Variants in ARHGEF10L observed in about 807,000 individuals in gnomAD.
ARHGEF10L encodes the protein Rho guanine nucleotide exchange factor 10 like.
Under a neutral mutation model 141.2 loss-of-function variants are expected in ARHGEF10L, and 69 were observed. The ratio of observed to expected loss-of-function variants is 0.49; its 90% CI spans 0.40 to 0.60. ARHGEF10L has a LOEUF of 0.60. ARHGEF10L is among the 20% of genes least tolerant of loss of function. ARHGEF10L has a pLI of 0.00. For missense variants in ARHGEF10L, 1,482 were observed against 1,734.3 expected (o/e 0.85, Z 2.58); for synonymous variants, 711 against 718.5 (o/e 0.99, Z 0.17).
intron 1 of ARHGEF10L, among the ~76,000 whole-genome samples, chr1:17,560,085 C>G (rs945455127): frequency 6.6e-6 from 1 of 152,148 alleles, no homozygotes; most frequent in African/African-American, 2.4e-5. Flanking sequence ...CTCCGAGTGT[C>G]CCCCTCTTCC....
At position 17,697,353 on chromosome 1, in the gene ARHGEF10L, C is replaced by G; in HGVS notation, c.3813C>G (p.Leu1271=). 1 of 1,601,916 alleles carries G rather than the reference C, an allele frequency of 6.2e-7. No homozygotes were observed. Reference sequence around the variant, plus strand: ...GTGGGGAGACGGACAGCACCCTCCTCATCTGGCAGGTGCCCTTGATGCTAT... The same window carrying G: ...GTGGGGAGACGGACAGCACCCTCCTGATCTGGCAGGTGCCCTTGATGCTAT... ...APCGETDSTL[L]IWQVPLML Residue 1271 remains leucine, a synonymous_variant, in exon 29 of 29, where the codon CTC becomes CTG. Coordinates refer to ENST00000361221, the MANE Select transcript of ARHGEF10L (RefSeq NM_018125.4). This position sits in a 1 kb window ranked among gnomAD's most constrained non-coding sequence, Gnocchi z 4.8.
chr1:17,622,427 G>T (rs1235254974), intron 11 of ARHGEF10L, among the ~76,000 whole-genome samples: 3 of 152,122 alleles, frequency 2.0e-5, no homozygotes, highest in Non-Finnish European at 2.9e-5. Context: ...GCCAACCTGA[G>T]AATCCCTGAG....
chr1:17,631,440 T>C (rs2060686155), intron 15 of ARHGEF10L, among the ~76,000 whole-genome samples: 1 of 152,214 alleles, frequency 6.6e-6, no homozygotes, highest in South Asian at 2.1e-4. Flanking sequence ...TGTTATTGAC[T>C]GGCAGGTCTG....
chr1:17,687,461 G>A, intron 26 of ARHGEF10L, 112 bp from the exon 27 acceptor site: 3 of 1,219,374 alleles, frequency 2.5e-6, no homozygotes, highest in Non-Finnish European at 3.5e-6. Flanking sequence ...TGTTCCCTGA[G>A]TAGCTTGAGC....
chr1:17,531,152 A>G, the ARHGEF10L span, among the ~76,000 whole-genome samples: 1 of 152,256 alleles, frequency 6.6e-6, no homozygotes, highest in African/African-American at 2.4e-5. Flanking sequence ...AAGTGGGGGC[A>G]TCATCAGCAC....
chr1:17,546,489 T>G (rs2076919971), intron 1 of ARHGEF10L, among the ~76,000 whole-genome samples: 1 of 152,192 alleles, frequency 6.6e-6, no homozygotes, highest in South Asian at 2.1e-4. Flanking sequence ...ATCTTATCGA[T>G]GAGGAAATTG....
intron 4 of ARHGEF10L, among the ~76,000 whole-genome samples, chr1:17,589,971 G>T (rs991146447): frequency 2.6e-5 from 4 of 152,110 alleles, no homozygotes; most frequent in African/African-American, 9.7e-5. Flanking sequence ...GATGGCAGAG[G>T]GGCAGGGGGA....
chr1:17,603,519 A>G lies in ARHGEF10L; in HGVS notation c.361A>G (p.Thr121Ala), dbSNP rs927776280. The G allele has an allele frequency of 1.2e-6, 2 of 1,613,354 alleles. No homozygotes were observed. The highest frequency in any genetic ancestry group is 2.7e-5 in the African/African-American group (2 of 74,872). Residue 121 changes from threonine to alanine, a missense_variant, in exon 6 of 29, where the codon ACT (threonine) becomes GCT (alanine). Physicochemically the swap from Thr to Ala is moderately conservative, Grantham distance 58 (BLOSUM62 0). Transcript: ENST00000361221. This position sits in a 1 kb window ranked among gnomAD's most constrained non-coding sequence, Gnocchi z 4.8. ...RKSSRRIDRF[T>A]FPALEEDVIY... is the part of the protein sequence containing the mutation. ...CACTTCCCTCCCAGTTGACCGGTTC[A>G]CTTTCCCCGCCCTGGAAGAGGATGT...
In ARHGEF10L at chr1:17,622,749, C is replaced by T. The variant is rs191766327; in HGVS notation, c.1021-247C>T. On this transcript the variant is annotated intron_variant, in intron 11 of 28. Coordinates refer to ENST00000361221, the MANE Select transcript of ARHGEF10L (RefSeq NM_018125.4). ...CAAGGAGCTCCTTGCAGGCAGATGG[C>T]GCATAAAAGACCCTCTTCCTCCCGA... Among the ~76,000 whole-genome samples the T allele has an allele frequency of 2.4e-3, 360 of 152,204 alleles. 1 individual carries two copies. Among genetic ancestry groups the T allele is most frequent in the African/African-American group, 8.3e-3 (343 of 41,532 alleles).
intron 1 of ARHGEF10L, among the ~76,000 whole-genome samples, chr1:17,552,963 TCCTGTG>T (rs1267514406): frequency 6.6e-6 from 1 of 152,158 alleles, no homozygotes; most frequent in Non-Finnish European, 1.5e-5. Context: ...CTTGATAGGA[TCCTGTG>T]GGGCACTAGC....
chr1:17,627,044 CTG>C lies in ARHGEF10L; in HGVS notation c.1411-283_1411-282del, dbSNP rs772404903. On this transcript the variant is annotated intron_variant, in intron 14 of 28. Transcript: ENST00000361221. This position sits in a 1 kb window ranked among gnomAD's most constrained non-coding sequence, Gnocchi z 4.0. Reference sequence around the variant, plus strand: ...CATTTTTGCCTCCACATTTTGGCGACTGTGGCTAATGCTGCTATGAACATGGC... The same window carrying C: ...CATTTTTGCCTCCACATTTTGGCGACTGGCTAATGCTGCTATGAACATGGC... 1.3e-5 allele frequency among the ~76,000 whole-genome samples: 2 copies of C among 152,242 alleles called. No homozygotes were observed. The highest frequency in any genetic ancestry group is 2.9e-5 in the Non-Finnish European group (2 of 68,040).
intron 1 of ARHGEF10L, among the ~76,000 whole-genome samples, chr1:17,555,657 T>C (rs1172491876): frequency 6.6e-6 from 1 of 152,182 alleles, no homozygotes; most frequent in Non-Finnish European, 1.5e-5. Flanking sequence ...GCCTGGCCTG[T>C]TTAAGCTTTT....
At chr1:17,649,584 G>C (rs1210951027) in intron 22 of ARHGEF10L, among the ~76,000 whole-genome samples, 1 of 152,210 alleles carries the variant, frequency 6.6e-6, no homozygotes, top group Non-Finnish European at 1.5e-5. Context: ...CCTGTTGTGT[G>C]CTAGACCCTG....
chr1:17,526,174 C>T, the ARHGEF10L span, among the ~76,000 whole-genome samples: 1 of 152,148 alleles, frequency 6.6e-6, no homozygotes, highest in African/African-American at 2.4e-5. Flanking sequence ...GGTTCCCTGC[C>T]AGTGCTCCCT....
At position 17,656,085 on chromosome 1, in the gene ARHGEF10L, C is replaced by G; in HGVS notation, c.2688C>G (p.Leu896=). Residue 896 remains leucine, a synonymous_variant, in exon 24 of 29, where the codon CTC becomes CTG. Coordinates refer to ENST00000361221, the MANE Select transcript of ARHGEF10L (RefSeq NM_018125.4). This position sits in a 1 kb window ranked among gnomAD's most constrained non-coding sequence, Gnocchi z 4.9. ...PSATVHPTIC[L]GLQDGSILLY... ...CCACGGTGCATCCAACCATCTGCCT[C>G]GGGCTCCAGGATGGCAGGTGAGGGG... The G allele has an allele frequency of 1.3e-6, 2 of 1,553,742 alleles. No individual in the cohort carries two copies. The highest frequency in any genetic ancestry group is 8.7e-7 in the Non-Finnish European group (1 of 1,148,796).
intron 12 of ARHGEF10L, among the ~76,000 whole-genome samples, chr1:17,624,032 C>T (rs934120150): frequency 3.9e-5 from 6 of 152,190 alleles, no homozygotes; most frequent in African/African-American, 9.7e-5. Flanking sequence ...ATTTCCTGAA[C>T]GTGAATGCAG....
intron 1 of ARHGEF10L, among the ~76,000 whole-genome samples, chr1:17,540,839 G>A (rs1293798711): frequency 6.6e-6 from 1 of 152,154 alleles, no homozygotes; most frequent in Non-Finnish European, 1.5e-5. Flanking sequence ...CCCACCTGCC[G>A]GGAGCCCCAT....
At chr1:17,542,604 T>C (rs1010277452) in intron 1 of ARHGEF10L, among the ~76,000 whole-genome samples, 2 of 152,254 alleles carry the variant, frequency 1.3e-5, no homozygotes, top group African/African-American at 4.8e-5. Flanking sequence ...AGAATACATG[T>C]AATCTTCTAT....
At chr1:17,535,613 C>T (rs920094051), upstream of ARHGEF10L, among the ~76,000 whole-genome samples, 26 of 152,188 alleles carry the variant, frequency 1.7e-4, no homozygotes, top group African/African-American at 5.8e-4. Flanking sequence ...CCCAGGTCAG[C>T]AGCGGAGACA....
Sources: allele counts gnomAD v4.1 joint callset (sites outside exome capture counted in the v4.1 genomes callset), GRCh38; gene constraint gnomAD v4.1.1; non-coding constraint Gnocchi (gnomAD v3.1); transcripts MANE v1.5; gene names NCBI Gene and HGNC (gene_info 2026-07-23, HGNC 2026-07-21).